The following COL4A3 variants were observed in gnomAD, a reference collection of about 807,000 sequenced individuals.
COL4A3 encodes collagen type IV alpha 3 chain.
Under a neutral mutation model 217.4 loss-of-function variants are expected in COL4A3, and 135 were observed. The ratio of observed to expected loss-of-function variants is 0.62; its 90% confidence interval spans 0.54 to 0.72. COL4A3 has a LOEUF of 0.72. Ranked by LOEUF, COL4A3 falls within the 30% of genes least tolerant of loss-of-function variation. The pLI is 0.00. For synonymous variants in COL4A3, 690 were observed against 736.3 expected, an observed-to-expected ratio of 0.94 and a Z score of 1.02; for missense variants, 1,868 against 2,119.9, an observed-to-expected ratio of 0.88 and a Z score of 2.33.
In COL4A3 at chr2:227,312,063, T is replaced by C; in HGVS notation, c.*193T>C. On this transcript the variant is annotated 3_prime_UTR_variant, in exon 52 of 52. Coordinates refer to ENST00000396578, the MANE Select transcript of COL4A3 (RefSeq NM_000091.5). ...AGTTCTGTGATCTGGGTCTCTAATC[T>C]GTGCTGTTTCAAAGTTCTCTGTGGC... The C allele has an allele frequency of 9.9e-7, 1 of 1,006,192 alleles. No homozygotes were observed. The allele number at this position is 1,006,192 out of a possible 1,614,324, so 62.3% of individuals were successfully genotyped here.
rs928522517 is a variant in COL4A3 at position 227,296,519 on chromosome 2, C to T, written c.3566-1155C>T. On this transcript the variant is annotated intron_variant, in intron 41 of 51. Transcript: ENST00000396578. ...AAATATGGAGAAGAGTTCATTGAGA[C>T]TTGGAAGGTATGAATCCTTTTAATT... The T allele has an allele frequency of 9.2e-6, 9 of 981,048 alleles. No individual in the cohort carries two copies. The South Asian group carries it at 2.4e-4, about 26-fold the overall frequency. 60.8% of individuals were successfully genotyped at this position (981,048 alleles called of 1,614,324 possible). A position where few individuals can be genotyped will look rare whatever the true frequency, so the allele number is the denominator to read the frequency against.
intron 43 of COL4A3, among the ~76,000 whole-genome samples, chr2:227,300,148 G>A (rs537808165): frequency 2.0e-5 from 3 of 152,158 alleles, no homozygotes; most frequent in Admixed American, 6.5e-5. Flanking sequence ...TGGAATGAAC[G>A]CCCTCCAGAA....
intron 1 of COL4A3, among the ~76,000 whole-genome samples, chr2:227,236,044 G>A (rs901392216): frequency 6.6e-6 from 1 of 152,296 alleles, no homozygotes; most frequent in South Asian, 2.1e-4. Context: ...AAAGTGCTGG[G>A]ATTGCAGGCG....
intron 1 of COL4A3, among the ~76,000 whole-genome samples, chr2:227,174,239 A>G (rs771775704): frequency 4.6e-5 from 7 of 152,214 alleles, no homozygotes; most frequent in African/African-American, 7.2e-5. Flanking sequence ...CACAAAACGG[A>G]AAATAATTGG....
At position 227,202,735 on chromosome 2, in the gene COL4A3, TAAA is replaced by T. The variant is rs370401800; in HGVS notation, c.88-35223_88-35221del. ...GGGAGAAAGTGCGAGAATCCGTCTC[TAAA>T]AAAAAAAAATATATATATATATATA... On this transcript the variant is annotated intron_variant, in intron 1 of 51. Transcript: ENST00000396578. Among the ~76,000 whole-genome samples, 149 of 44,558 alleles carry T rather than the reference TAAA, an allele frequency of 3.3e-3. 4 individuals carry two copies. Among genetic ancestry groups the T allele is most frequent in the South Asian group, 0.011 (12 of 1,094 alleles). 29.2% of individuals were successfully genotyped at this position (44,558 alleles called of 152,430 possible).
chr2:227,305,083 G>A lies in COL4A3; in HGVS notation c.4252G>A (p.Gly1418Arg). The A allele has an allele frequency of 6.2e-7, 1 of 1,613,144 alleles. No individual in the cohort carries two copies. The highest frequency in any genetic ancestry group is 8.5e-7 in the Non-Finnish European group (1 of 1,179,450). Residue 1418 changes from glycine to arginine, a missense_variant and splice_region_variant, in exon 47 of 52, where the codon GGA becomes AGA. This residue lies in a region of COL4A3 where 1,503 missense variants were observed against 1,786.1 expected (regional missense o/e 0.84). Coordinates refer to ENST00000396578, the MANE Select transcript of COL4A3 (RefSeq NM_000091.5). ...KGNKGSKGEP[G>R]PAGSDGLPGL... ...CAACAAAGGTTCTAAAGGAGAGCCAGGTAAACCCCCAGCTTGTTTCCTCAC... is the reference window on the plus strand; with the variant it reads ...CAACAAAGGTTCTAAAGGAGAGCCAAGTAAACCCCCAGCTTGTTTCCTCAC...
At chr2:227,218,132 C>A (rs2067604898) in intron 1 of COL4A3, among the ~76,000 whole-genome samples, 1 of 142,850 alleles carries the variant, frequency 7.0e-6, no homozygotes, top group African/African-American at 2.5e-5. Flanking sequence ...AATAGCTAAA[C>A]CCCTTTTTAA....
chr2:227,313,765 G>T lies in COL4A3; in HGVS notation c.*1895G>T, dbSNP rs1469181884. The T allele has an allele frequency of 2.0e-5, 3 of 152,286 alleles. No individual in the cohort carries two copies. Among genetic ancestry groups the T allele is most frequent in the African/African-American group, 4.8e-5 (2 of 41,450 alleles). 9.4% of individuals were successfully genotyped at this position (152,286 alleles called of 1,614,324 possible). A position where few individuals can be genotyped will look rare whatever the true frequency, so the allele number is the denominator to read the frequency against. ...AAACAAATTTTTCTGCTTTAAAAAT[G>T]TCTTATTGTCCCAAGTGTACTATAG... is the stretch of plus-strand genomic sequence containing the variant. On this transcript the variant is annotated 3_prime_UTR_variant, in exon 52 of 52. Transcript: ENST00000396578.
chr2:227,249,230 A>ATATATATATATATATATATTTTTTTTTTT, intron 9 of COL4A3, among the ~76,000 whole-genome samples: 1 of 14,692 alleles, frequency 6.8e-5, no homozygotes, highest in African/African-American at 2.7e-4. Flanking sequence ...ATATATATAT[A>ATATATATATATATATATATTTTTTTTTTT]TTTTTTTTTT....
Position 227,256,043 on chromosome 2 carries a change from T to C in COL4A3, c.906T>C (p.Asp302=), listed in dbSNP as rs760256439. 6 of 1,614,012 alleles carry C rather than the reference T, an allele frequency of 3.7e-6. No individual in the cohort carries two copies. Among genetic ancestry groups the C allele is most frequent in the South Asian group, 3.3e-5 (3 of 91,074 alleles). Residue 302 remains aspartate, a synonymous_variant, in exon 16 of 52, where the codon GAT becomes GAC. Coordinates refer to ENST00000396578, the MANE Select transcript of COL4A3 (RefSeq NM_000091.5). ...TGCTGTAGGGAAAACCCGGAAAAGA[T>C]GGTGTTCCTGGCTTCCCTGGAAGTG... is the stretch of plus-strand genomic sequence containing the variant. ...DPGLQGKPGK[D]GVPGFPGSEG...
intron 19 of COL4A3, 40 bp from the exon 20 acceptor site, chr2:227,261,042 A>G (rs1230261693): frequency 1.9e-6 from 3 of 1,554,510 alleles, no homozygotes; most frequent in South Asian, 2.2e-5. Flanking sequence ...GACAGCATTT[A>G]TATCTTTCTA....
chr2:227,196,236 T>C (rs937616725), intron 1 of COL4A3, among the ~76,000 whole-genome samples: 1 of 152,046 alleles, frequency 6.6e-6, no homozygotes, highest in African/African-American at 2.4e-5. Context: ...CACTCACCAC[T>C]CACTCACTGA....
Position 227,276,119 on chromosome 2 carries a change from G to A in COL4A3, c.1928-266G>A, listed in dbSNP as rs1345406873. 3.3e-5 allele frequency among the ~76,000 whole-genome samples: 5 copies of A among 152,316 alleles called. 1 individual carries two copies. The highest frequency in any genetic ancestry group is 6.8e-3 in the Middle Eastern group (2 of 294). On this transcript the variant is annotated intron_variant, in intron 26 of 51. Transcript: ENST00000396578. ...AATGTAAGAGGGTAAAGTTAGGACC[G>A]TCATCTGTGAGTTATCTCAGAGTAA...
intron 28 of COL4A3, among the ~76,000 whole-genome samples, chr2:227,278,715 G>A (rs1249577134): frequency 1.3e-5 from 2 of 152,100 alleles, no homozygotes; most frequent in African/African-American, 4.8e-5. Flanking sequence ...GTAACTCTAG[G>A]TATTGACTCT....
chr2:227,246,128 C>A, intron 6 of COL4A3, 112 bp downstream of exon 6: 1 of 820,132 alleles, frequency 1.2e-6, no homozygotes, highest in Non-Finnish European at 2.1e-6. Flanking sequence ...TTCCTTTAGG[C>A]CAGAACCAAC....
intron 1 of COL4A3, among the ~76,000 whole-genome samples, chr2:227,218,295 T>C (rs1306546265): frequency 2.0e-5 from 3 of 151,694 alleles, no homozygotes; most frequent in African/African-American, 7.3e-5. Context: ...TGAAACCCCG[T>C]CTCTACTAAA....
chr2:227,198,354 C>T (rs1004509295), intron 1 of COL4A3, among the ~76,000 whole-genome samples: 8 of 152,034 alleles, frequency 5.3e-5, no homozygotes, highest in Non-Finnish European at 5.9e-5. Context: ...CCTCAAATGC[C>T]GATTTTCCAA....
intron 1 of COL4A3, among the ~76,000 whole-genome samples, chr2:227,185,372 C>A (rs1380899029): frequency 6.6e-6 from 1 of 152,172 alleles, no homozygotes; most frequent in Admixed American, 6.5e-5. Context: ...AGTGTGAGTG[C>A]ACAGTGCTGC....
chr2:227,254,258 TG>T, intron 14 of COL4A3, 84 bp downstream of exon 14: 2 of 1,291,438 alleles, frequency 1.5e-6, no homozygotes, highest in Non-Finnish European at 2.2e-6. Flanking sequence ...TGTCTTAAGT[TG>T]TTTTTTTTTT....
Sources: gnomAD v4.1 joint callset for allele counts (sites outside exome capture counted in the v4.1 genomes callset) on GRCh38, gnomAD v4.1.1 for gene constraint, gnomAD v4.1.1 regional missense constraint, MANE v1.5 for transcripts, NCBI Gene and HGNC (gene_info 2026-07-23, HGNC 2026-07-21) for gene names.